Variants in MBNL2 observed in about 807,000 individuals in gnomAD.
The protein encoded by MBNL2 is muscleblind-like protein 2.
A neutral mutation model predicts 41.9 loss-of-function variants in MBNL2; 17 were observed. That is an observed-to-expected ratio of 0.41 (90% CI 0.28 to 0.61). The LOEUF (loss-of-function observed/expected upper bound fraction) is 0.61. MBNL2 is among the 20% of genes least tolerant of loss of function. The pLI is 0.35. For synonymous variants in MBNL2, 195 were observed against 182.9 expected (o/e 1.07, Z -0.53); for missense variants, 336 against 505.6 (o/e 0.66, Z 3.22).
chr13:97,298,397 C>T (rs191667182), intron 2 of MBNL2, among the ~76,000 whole-genome samples: 2 of 152,306 alleles, frequency 1.3e-5, no homozygotes, highest in Non-Finnish European at 2.9e-5. Flanking sequence ...TAGCAGGAAC[C>T]TTGTTTTGCC....
chr13:97,201,586 C>G, the MBNL2 span, among the ~76,000 whole-genome samples: 1 of 152,100 alleles, frequency 6.6e-6, no homozygotes. Context: ...TTAGAAAGCT[C>G]TGTCTACTAA....
At chr13:97,383,203 T>C (rs1252671791) in intron 8 of MBNL2, among the ~76,000 whole-genome samples, 1 of 152,168 alleles carries the variant, frequency 6.6e-6, no homozygotes, top group Non-Finnish European at 1.5e-5. Context: ...CCAGGGGAGC[T>C]AGGATTGAAG....
intron 8 of MBNL2, among the ~76,000 whole-genome samples, chr13:97,379,296 C>T (rs905137452): frequency 1.3e-5 from 2 of 152,166 alleles, no homozygotes; most frequent in Admixed American, 6.5e-5. Flanking sequence ...TGAGAAAAGG[C>T]ACCATTCACT....
At chr13:97,203,706 C>G in the MBNL2 span, among the ~76,000 whole-genome samples, 1 of 152,178 alleles carries the variant, frequency 6.6e-6, no homozygotes, top group Non-Finnish European at 1.5e-5. Context: ...TCTACCTAAC[C>G]TTCATCATTT....
the MBNL2 span, among the ~76,000 whole-genome samples, chr13:97,212,286 A>C: frequency 8.7e-4 from 133 of 152,116 alleles, 1 homozygote; most frequent in Middle Eastern, 3.4e-3. Flanking sequence ...AGAGATTTCT[A>C]TTCATTTGAC....
chr13:97,270,148 G>GTTGTTCTATTAGTC (rs1432464700), intron 1 of MBNL2, among the ~76,000 whole-genome samples: 5 of 152,154 alleles, frequency 3.3e-5, no homozygotes, highest in African/African-American at 4.8e-5. Context: ...CACCCTGGAA[G>GTTGTTCTATTAGTC]TTCTGTTGAC....
chr13:97,201,459 A>T, the MBNL2 span, among the ~76,000 whole-genome samples: 1 of 152,242 alleles, frequency 6.6e-6, no homozygotes, highest in African/African-American at 2.4e-5. Flanking sequence ...AAATGGATTG[A>T]TAAATGGATG....
intron 2 of MBNL2, among the ~76,000 whole-genome samples, chr13:97,315,539 G>C (rs2058966477): frequency 6.6e-6 from 1 of 152,218 alleles, no homozygotes; most frequent in Admixed American, 6.5e-5. Context: ...GGTGCAGATT[G>C]TTACAGACAT....
the MBNL2 span, among the ~76,000 whole-genome samples, chr13:97,194,000 C>T: frequency 1.3e-5 from 2 of 152,192 alleles, no homozygotes; most frequent in Non-Finnish European, 2.9e-5. Flanking sequence ...TTACTTGGAA[C>T]ATCCTTCCAC....
At chr13:97,216,362 CA>C in the MBNL2 span, among the ~76,000 whole-genome samples, 1 of 152,108 alleles carries the variant, frequency 6.6e-6, no homozygotes, top group Non-Finnish European at 1.5e-5. Flanking sequence ...TCTGTACCCT[CA>C]GGGGGCTTAT....
intron 1 of MBNL2, among the ~76,000 whole-genome samples, chr13:97,264,279 G>A (rs900052484): frequency 1.4e-4 from 22 of 152,104 alleles, no homozygotes; most frequent in Non-Finnish European, 2.5e-4. Context: ...CACCCGCCTC[G>A]GCCTCCCAAA....
Position 97,393,657 on chromosome 13 carries a change from T to C in MBNL2, c.*2208T>C, listed in dbSNP as rs2066447686. On this transcript the variant is annotated 3_prime_UTR_variant, in exon 9 of 9. Transcript: ENST00000679496. ...ACAACAGATTTTGCTTTTTATTTAT[T>C]TATAATGTAATTTTATAGAATAATT... 6.6e-6 allele frequency: 1 copy of C among 152,550 alleles called. No individual in the cohort carries two copies. The highest frequency in any genetic ancestry group is 1.5e-5 in the Non-Finnish European group (1 of 67,976). 9.4% of individuals were successfully genotyped at this position (152,550 alleles called of 1,614,324 possible). A position where few individuals can be genotyped will look rare whatever the true frequency, so the allele number is the denominator to read the frequency against.
intron 1 of MBNL2, among the ~76,000 whole-genome samples, chr13:97,233,062 T>G (rs1222671526): frequency 2.7e-5 from 4 of 146,534 alleles, no homozygotes; most frequent in Non-Finnish European, 6.0e-5. Context: ...AGATCCCTTT[T>G]TTCTTTGACT....
chr13:97,339,760 C>T (rs937968906), intron 3 of MBNL2, among the ~76,000 whole-genome samples: 1 of 152,050 alleles, frequency 6.6e-6, no homozygotes, highest in Admixed American at 6.6e-5. Context: ...ACACCTCACA[C>T]CTCCTGTCTG....
chr13:97,372,570 G>A (rs187115093), intron 8 of MBNL2, among the ~76,000 whole-genome samples: 58 of 152,180 alleles, frequency 3.8e-4, no homozygotes, highest in Middle Eastern at 3.4e-3. Flanking sequence ...ATTTATATTT[G>A]ATAAATTAGA....
chr13:97,291,910 A>AAAAAAAAAAAAAAAAAG (rs2056122209), intron 2 of MBNL2, among the ~76,000 whole-genome samples: 2 of 124,974 alleles, frequency 1.6e-5, no homozygotes, highest in East Asian at 2.5e-4. Context: ...CAAAAAAAAA[A>AAAAAAAAAAAAAAAAAG]AAAAAAAGTG....
chr13:97,257,353 G>A (rs2047748840), intron 1 of MBNL2, among the ~76,000 whole-genome samples: 1 of 152,154 alleles, frequency 6.6e-6, no homozygotes, highest in Admixed American at 6.5e-5. Flanking sequence ...CTTGTCTTGA[G>A]GGTGGTATCA....
chr13:97,392,024 T>A lies in MBNL2; in HGVS notation c.*575T>A, dbSNP rs531963151. The A allele has an allele frequency of 1.3e-5, 2 of 152,674 alleles. No individual in the cohort carries two copies. The highest frequency in any genetic ancestry group is 2.9e-5 in the Non-Finnish European group (2 of 68,092). 9.5% of individuals were successfully genotyped at this position (152,674 alleles called of 1,614,324 possible). A position where few individuals can be genotyped will look rare whatever the true frequency, so the allele number is the denominator to read the frequency against. On this transcript the variant is annotated 3_prime_UTR_variant, in exon 9 of 9. Coordinates refer to ENST00000679496, the MANE Select transcript of MBNL2 (RefSeq NM_001382683.1). ...TGATTCTAGATTAACATTAAATAGA[T>A]TGAAAAAGAAACTTTGCACGGTATG...
At chr13:97,350,549 T>A (rs2062350710) in intron 5 of MBNL2, among the ~76,000 whole-genome samples, 1 of 152,254 alleles carries the variant, frequency 6.6e-6, no homozygotes. Flanking sequence ...TCTAAAACCC[T>A]GCTGCTACTT....
Sources: gnomAD v4.1 joint callset for allele counts (sites outside exome capture counted in the v4.1 genomes callset) on GRCh38, gnomAD v4.1.1 for gene constraint, MANE v1.5 for transcripts, NCBI Gene and HGNC (gene_info 2026-07-23, HGNC 2026-07-21) for gene names.